TCF12: variants seen among roughly 807,000 people sequenced by gnomAD.
TCF12 encodes DNA-binding protein HTF4.
A neutral mutation model predicts 86.0 loss-of-function variants in TCF12; 45 were observed. The ratio of observed to expected loss-of-function variants is 0.52; its 90% confidence interval spans 0.41 to 0.67. The LOEUF is 0.67. TCF12 is among the 30% of genes least tolerant of loss of function. The pLI, the probability that TCF12 is intolerant of heterozygous loss-of-function variation, is 0.00. For missense variants in TCF12, 881 were observed against 859.9 expected, an observed-to-expected ratio of 1.02 and a Z score of -0.31; for synonymous variants, 330 against 299.6, an observed-to-expected ratio of 1.10 and a Z score of -1.05.
intron 3 of TCF12, among the ~76,000 whole-genome samples, chr15:56,930,473 G>A (rs1390312565): frequency 6.6e-6 from 1 of 152,180 alleles, no homozygotes; most frequent in South Asian, 2.1e-4. Flanking sequence ...ATGTGGTCCG[G>A]AGGCCCATTT....
intron 3 of TCF12, among the ~76,000 whole-genome samples, chr15:57,033,682 T>C (rs144072183): frequency 9.5e-4 from 145 of 152,298 alleles, no homozygotes; most frequent in Non-Finnish European, 1.5e-3. Flanking sequence ...TTCTTACTTA[T>C]TTTTCTACGT....
intron 5 of TCF12, among the ~76,000 whole-genome samples, chr15:57,138,930 T>G (rs77511467): frequency 2.0e-5 from 3 of 152,212 alleles, no homozygotes; most frequent in African/African-American, 7.2e-5. Context: ...AAAATTTAAG[T>G]AAGTGAATAT....
chr15:57,051,738 A>T (rs1403029852), intron 3 of TCF12, among the ~76,000 whole-genome samples: 1 of 152,166 alleles, frequency 6.6e-6, no homozygotes, highest in South Asian at 2.1e-4. Flanking sequence ...GATCTTACCC[A>T]GAGAGTCTGG....
intron 6 of TCF12, among the ~76,000 whole-genome samples, chr15:57,187,503 A>G (rs2056742417): frequency 6.6e-6 from 1 of 152,210 alleles, no homozygotes; most frequent in South Asian, 2.1e-4. Context: ...ATGATAGCTG[A>G]TGAGCAAAAA....
At chr15:57,071,961 G>T (rs550518878) in intron 4 of TCF12, among the ~76,000 whole-genome samples, 1 of 152,122 alleles carries the variant, frequency 6.6e-6, no homozygotes, top group Non-Finnish European at 1.5e-5. Flanking sequence ...ACGAGATAAG[G>T]CAGGTTAACA....
At chr15:57,101,591 G>A (rs573944997) in intron 5 of TCF12, among the ~76,000 whole-genome samples, 62 of 152,178 alleles carry the variant, frequency 4.1e-4, no homozygotes, top group Non-Finnish European at 7.9e-4. Context: ...GCATGTGCAC[G>A]CGTGCGTGCA....
At chr15:57,127,342 T>C (rs541876060) in intron 5 of TCF12, among the ~76,000 whole-genome samples, 71 of 152,242 alleles carry the variant, frequency 4.7e-4, no homozygotes, top group Admixed American at 2.0e-4. Flanking sequence ...TATAAAACAA[T>C]TACAATATAC....
chr15:57,195,638 A>G (rs1375419753), intron 7 of TCF12, among the ~76,000 whole-genome samples: 1 of 152,218 alleles, frequency 6.6e-6, no homozygotes, highest in Non-Finnish European at 1.5e-5. Context: ...TATGCTACAT[A>G]TAAAGTTGCC....
chr15:57,232,442 C>T lies in TCF12; in HGVS notation c.825+12C>T, dbSNP rs898902296. On this transcript the variant is annotated intron_variant, in intron 10 of 20. Coordinates refer to ENST00000333725, the MANE Select transcript of TCF12 (RefSeq NM_207037.2). ...CACATGACCGCTTGGTAGGCTATAA[C>T]ACGTGACTAGGGTACAGCAACACTT... The T allele has an allele frequency of 1.3e-6, 2 of 1,593,684 alleles. No homozygotes were observed. The highest frequency in any genetic ancestry group is 8.5e-7 in the Non-Finnish European group (1 of 1,173,202).
chr15:57,244,769 G>T (rs1566976256), intron 13 of TCF12, among the ~76,000 whole-genome samples: 20 of 148,542 alleles, frequency 1.3e-4, no homozygotes. Flanking sequence ...CGGCCCACAT[G>T]TTTTTTTTTT....
chr15:57,029,692 T>C (rs549241386), intron 3 of TCF12, among the ~76,000 whole-genome samples: 2 of 152,368 alleles, frequency 1.3e-5, no homozygotes, highest in Non-Finnish European at 2.9e-5. Context: ...ATATATATAG[T>C]TCTGTTACCC....
chr15:57,170,186 C>T (rs1448085681), intron 6 of TCF12, among the ~76,000 whole-genome samples: 9 of 152,132 alleles, frequency 5.9e-5, no homozygotes, highest in Admixed American at 3.9e-4. Context: ...GACTATACTT[C>T]AGCATAGGAA....
At chr15:56,967,119 C>A (rs890934654) in intron 3 of TCF12, among the ~76,000 whole-genome samples, 1 of 146,258 alleles carries the variant, frequency 6.8e-6, no homozygotes, top group African/African-American at 2.7e-5. Flanking sequence ...GAGACTCGGT[C>A]CCCCCGTGCC....
intron 3 of TCF12, among the ~76,000 whole-genome samples, chr15:56,940,917 C>CT (rs539031767): frequency 0.42 from 56,284 of 134,342 alleles, 13,106 homozygotes; most frequent in Non-Finnish European, 0.53. Context: ...CCCAGCTGCT[C>CT]TTTTTTTTTT....
intron 5 of TCF12, 117 bp downstream of exon 5, chr15:57,092,008 A>G (rs2049022823): frequency 1.4e-6 from 1 of 707,142 alleles, no homozygotes. Context: ...TTGAGTTTCT[A>G]GGGGCATCTA....
chr15:56,948,946 C>CT (rs1490867698), intron 3 of TCF12, among the ~76,000 whole-genome samples: 1 of 152,062 alleles, frequency 6.6e-6, no homozygotes, highest in Non-Finnish European at 1.5e-5. Context: ...TTTAAGTTAA[C>CT]TGAGTTTCTG....
intron 5 of TCF12, among the ~76,000 whole-genome samples, chr15:57,161,234 TATAACTTA>T (rs1195106338): frequency 6.6e-6 from 1 of 152,260 alleles, no homozygotes; most frequent in African/African-American, 2.4e-5. Flanking sequence ...ATTGAAAGGT[TATAACTTA>T]AGTATATTAG....
At chr15:57,233,102 ATATG>A (rs1295593638) in intron 11 of TCF12, among the ~76,000 whole-genome samples, 1 of 149,392 alleles carries the variant, frequency 6.7e-6, no homozygotes, top group Non-Finnish European at 1.5e-5. Flanking sequence ...ATATAGGTAT[ATATG>A]TATATATGTT....
chr15:57,189,475 C>A (rs2056866276), intron 6 of TCF12, among the ~76,000 whole-genome samples: 1 of 152,074 alleles, frequency 6.6e-6, no homozygotes, highest in Non-Finnish European at 1.5e-5. Flanking sequence ...TACATCAAGC[C>A]CATGAAAAGA....
Sources: gnomAD v4.1 joint callset for allele counts (sites outside exome capture counted in the v4.1 genomes callset) on GRCh38, gnomAD v4.1.1 for gene constraint, MANE v1.5 for transcripts, NCBI Gene and HGNC (gene_info 2026-07-23, HGNC 2026-07-21) for gene names.